The following VPS8 variants were observed in gnomAD, a reference collection of about 807,000 sequenced individuals.
The protein encoded by VPS8 is VPS8 subunit of CORVET complex, also known as vacuolar protein sorting-associated protein 8 homolog.
VPS8 carries 129 observed loss-of-function variants against 216.4 expected under a neutral mutation model. That is an observed-to-expected ratio of 0.60 (90% confidence interval 0.52 to 0.69). The LOEUF (loss-of-function observed/expected upper bound fraction) is 0.69, where lower values mean the gene tolerates loss of function less well. Ranked by LOEUF, VPS8 falls within the 30% of genes least tolerant of loss-of-function variation. The probability of loss-of-function intolerance (pLI) is 0.00; values close to 1 mark genes in which losing one functional copy is unlikely to be tolerated. For missense variants in VPS8, 1,531 were observed against 1,683.5 expected (o/e 0.91, Z 1.59); for synonymous variants, 571 against 565.4 (o/e 1.01, Z -0.14).
Position 184,927,842 on chromosome 3 carries a change from C to T in VPS8, c.2632-609C>T, listed in dbSNP as rs73885620. 7.3e-3 allele frequency among the ~76,000 whole-genome samples: 1,112 copies of T among 152,282 alleles called. 7 individuals are homozygous for T. The highest frequency in any genetic ancestry group is 0.025 in the African/African-American group (1,031 of 41,552). ...ACAATACTCGTTCTTTTGTATTTAG[C>T]TTATTTCACTTGGCAGAATGTGTTC... On this transcript the variant is annotated intron_variant, in intron 31 of 47. Coordinates refer to ENST00000625842, the MANE Select transcript of VPS8 (RefSeq NM_001009921.3).
intron 42 of VPS8, among the ~76,000 whole-genome samples, chr3:184,985,008 C>A (rs1399192342): frequency 1.3e-5 from 2 of 152,026 alleles, no homozygotes; most frequent in Admixed American, 6.6e-5. Flanking sequence ...TTTTTCTTAT[C>A]ATTTTCTATT....
At chr3:184,986,506 A>G (rs1275355453) in intron 42 of VPS8, among the ~76,000 whole-genome samples, 1 of 152,172 alleles carries the variant, frequency 6.6e-6, no homozygotes, top group Admixed American at 6.5e-5. Context: ...ATTTGGGGAA[A>G]GTCTGCTGAT....
intron 46 of VPS8, among the ~76,000 whole-genome samples, chr3:185,039,390 T>G (rs1166870990): frequency 2.0e-5 from 3 of 150,596 alleles, no homozygotes; most frequent in African/African-American, 7.3e-5. Context: ...AGCATCTGCT[T>G]TCGGTGGGAG....
At chr3:184,976,221 GTTT>G (rs1003962385) in intron 40 of VPS8, among the ~76,000 whole-genome samples, 2 of 151,974 alleles carry the variant, frequency 1.3e-5, no homozygotes, top group African/African-American at 4.8e-5. Flanking sequence ...TAATCACAGT[GTTT>G]TACCTAATGA....
At chr3:184,848,759 G>T (rs1468528904) in intron 8 of VPS8, among the ~76,000 whole-genome samples, 1 of 151,702 alleles carries the variant, frequency 6.6e-6, no homozygotes, top group Non-Finnish European at 1.5e-5. Context: ...AGTAGAGTCG[G>T]GGTTTCACCA....
intron 29 of VPS8, among the ~76,000 whole-genome samples, chr3:184,924,636 G>A (rs1739238032): frequency 6.6e-6 from 1 of 152,100 alleles, no homozygotes. Flanking sequence ...GGTCTCATCC[G>A]AATTGTGATA....
chr3:185,051,486 T>C (rs1167170404), intron 47 of VPS8, among the ~76,000 whole-genome samples: 1 of 151,942 alleles, frequency 6.6e-6, no homozygotes, highest in Admixed American at 6.6e-5. Context: ...CAAGCAGAGC[T>C]GAGAACAGAG....
At chr3:184,944,438 A>G (rs924995386) in intron 36 of VPS8, 4 of 934,514 alleles carry the variant, frequency 4.3e-6, no homozygotes, top group African/African-American at 1.8e-5. Flanking sequence ...CCCTGGGTGC[A>G]TTGCTGCTGG....
At chr3:184,857,910 AG>A (rs1725567481) in intron 14 of VPS8, among the ~76,000 whole-genome samples, 1 of 152,224 alleles carries the variant, frequency 6.6e-6, no homozygotes, top group Non-Finnish European at 1.5e-5. Flanking sequence ...TTTTACCAAA[AG>A]ATCTTTTCTT....
rs904433324 is a variant in VPS8 at position 185,009,090 on chromosome 3, T to G, written c.4002+9229T>G. Among the ~76,000 whole-genome samples the G allele has an allele frequency of 3.9e-5, 6 of 152,258 alleles. No individual in the cohort carries two copies. The South Asian group carries it at 1.0e-3, about 26-fold the overall frequency. ...CCAGTTCTCACTTATTTTCCAGAGC[T>G]GTATAGCAGTCAGACTTTTGAAGTT... On this transcript the variant is annotated intron_variant, in intron 45 of 47. Transcript: ENST00000625842.
rs1310868214 is a variant in VPS8 at position 184,906,407 on chromosome 3, G to C, written c.2146+5435G>C. ...AGTAATGTGTTGAATGTCTTCTGTT[G>C]TTGGATAGAGTGTTACATAGATATC... is the stretch of plus-strand genomic sequence containing the variant. On this transcript the variant is annotated intron_variant, in intron 25 of 47. Coordinates refer to ENST00000625842, the MANE Select transcript of VPS8 (RefSeq NM_001009921.3). Among the ~76,000 whole-genome samples the C allele has an allele frequency of 5.9e-5, 9 of 152,300 alleles. No individual in the cohort carries two copies. In the East Asian group the frequency reaches 1.7e-3, roughly 29 times the overall value.
chr3:184,829,019 A>C (rs1719415299), intron 3 of VPS8, among the ~76,000 whole-genome samples: 1 of 152,148 alleles, frequency 6.6e-6, no homozygotes, highest in South Asian at 2.1e-4. Context: ...TCTTTCCCTT[A>C]ATATTATGTT....
At chr3:184,815,993 T>C (rs1160274063) in intron 1 of VPS8, 3 of 152,164 alleles carry the variant, frequency 2.0e-5, no homozygotes, top group East Asian at 1.9e-4. Flanking sequence ...AGAATTTACC[T>C]GCATCAGTCA....
intron 7 of VPS8, among the ~76,000 whole-genome samples, chr3:184,842,927 CT>C (rs59087346): frequency 1.3e-3 from 181 of 144,078 alleles, no homozygotes; most frequent in South Asian, 3.9e-3. Flanking sequence ...TAGTTTTCCT[CT>C]TTTTTTTTTT....
chr3:185,043,756 A>T (rs1712226852), intron 46 of VPS8, among the ~76,000 whole-genome samples: 1 of 152,038 alleles, frequency 6.6e-6, no homozygotes, highest in Non-Finnish European at 1.5e-5. Flanking sequence ...GAATGATGGG[A>T]TGAGTTTTGA....
chr3:184,953,680 A>C (rs1485878813), intron 36 of VPS8, among the ~76,000 whole-genome samples: 1 of 152,200 alleles, frequency 6.6e-6, no homozygotes, highest in East Asian at 1.9e-4. Flanking sequence ...TCTACAGGGA[A>C]TCAAACATCT....
chr3:184,894,531 T>TATATATATATATATATATAC (rs1186136967), intron 22 of VPS8, among the ~76,000 whole-genome samples, 172 bp from the exon 23 acceptor site: 10 of 98,978 alleles, frequency 1.0e-4, no homozygotes, highest in Non-Finnish European at 2.0e-4. Context: ...TATATATATA[T>TATATATATATATATATATAC]ACACACACAC....
Position 184,824,701 on chromosome 3 carries a change from G to C in VPS8, c.69G>C (p.Leu23=). ...GTGCCAAGACGAGCGAAGAAGAGCT[G>C]AATAAGTCTTTCAATCTAGAAGCTT... is the stretch of plus-strand genomic sequence containing the variant. ...SLCAKTSEEE[L]NKSFNLEASL... is the part of the protein sequence containing the mutation. Residue 23 remains leucine, a synonymous_variant, in exon 2 of 48, where the codon CTG becomes CTC. Coordinates refer to ENST00000625842, the MANE Select transcript of VPS8 (RefSeq NM_001009921.3). 1.2e-6 allele frequency: 2 copies of C among 1,613,902 alleles called. No individual in the cohort carries two copies. The highest frequency in any genetic ancestry group is 1.7e-6 in the Non-Finnish European group (2 of 1,179,864).
intron 35 of VPS8, among the ~76,000 whole-genome samples, chr3:184,936,742 CTT>C (rs879437188): frequency 7.0e-5 from 10 of 143,840 alleles, no homozygotes; most frequent in Non-Finnish European, 6.1e-5. Context: ...ACCCCGTTTT[CTT>C]TTTTTTTTTT....
Sources: allele counts gnomAD v4.1 joint callset (sites outside exome capture counted in the v4.1 genomes callset), GRCh38; gene constraint gnomAD v4.1.1; transcripts MANE v1.5; gene names NCBI Gene and HGNC (gene_info 2026-07-23, HGNC 2026-07-21).